The following ARMCX4 variants were observed in gnomAD, a reference collection of about 807,000 sequenced individuals.
The protein encoded by ARMCX4 is armadillo repeat-containing X-linked protein 4.
Under a neutral mutation model 34.7 loss-of-function variants are expected in ARMCX4, and 3 were observed. The observed-to-expected ratio is 0.09, with a 90% CI of 0.04 to 0.22. The LOEUF is 0.22. Ranked by LOEUF, ARMCX4 falls within the 10% of genes least tolerant of loss-of-function variation. The pLI is 1.00. For synonymous variants in ARMCX4, 513 were observed against 632.8 expected (o/e 0.81, Z 2.84); for missense variants, 1,448 against 1,720.8 (o/e 0.84, Z 2.81).
In ARMCX4 at chrX:101,488,560, C is replaced by T. The variant is rs924970227; in HGVS notation, c.-30C>T. 2.6e-6 allele frequency: 3 copies of T among 1,155,829 alleles called. No individual in the cohort carries two copies. In the Admixed American group the frequency reaches 7.8e-5, roughly 30 times the overall value. Reference sequence around the variant, plus strand: ...CCAGCCCGAGTGCGCTCTACCATACCTTGTTCGTGCTTTTAGCAGGGGTGA... The same window carrying T: ...CCAGCCCGAGTGCGCTCTACCATACTTTGTTCGTGCTTTTAGCAGGGGTGA... On this transcript the variant is annotated 5_prime_UTR_variant, in exon 6 of 6. Transcript: ENST00000423738.
At chrX:101,452,633 G>A (rs782445181), downstream of ARMCX4, among the ~76,000 whole-genome samples, 6 of 110,291 alleles carry the variant, frequency 5.4e-5, no homozygotes, top group South Asian at 1.2e-3. Flanking sequence ...TCAGCTCACC[G>A]CAATCTCTGT....
At chrX:101,487,310 G>A (rs942257670) in intron 3 of ARMCX4, 38 bp downstream of exon 3, 8 of 142,260 alleles carry the variant, frequency 5.6e-5, no homozygotes, top group Admixed American at 5.6e-4. Context: ...GGGATGACAA[G>A]AGAGGGTGGG....
At chrX:101,436,857 G>T (rs183363889) in intron 2 of ARMCX4, among the ~76,000 whole-genome samples, 5 of 111,744 alleles carry the variant, frequency 4.5e-5, no homozygotes, top group Admixed American at 2.9e-4. Flanking sequence ...AGCATGAAGG[G>T]TTGTTGAATT....
chrX:101,446,387 T>C (rs1469679342), downstream of ARMCX4, among the ~76,000 whole-genome samples: 1 of 110,988 alleles, frequency 9.0e-6, no homozygotes, highest in Non-Finnish European at 1.9e-5. Context: ...ACATGTGGTA[T>C]GTACTGTGGG....
intron 2 of ARMCX4, among the ~76,000 whole-genome samples, chrX:101,429,180 C>T (rs1929826033): frequency 9.0e-6 from 1 of 110,870 alleles, no homozygotes; most frequent in African/African-American, 3.3e-5. Flanking sequence ...ATTTCTTTAA[C>T]AGCTGGCGTT....
At chrX:101,496,591 CA>C (rs1340988987), downstream of ARMCX4, among the ~76,000 whole-genome samples, 1 of 111,705 alleles carries the variant, frequency 9.0e-6, no homozygotes, top group Admixed American at 9.5e-5. Flanking sequence ...TGTAAGTAAA[CA>C]GTTACAACTT....
At chrX:101,446,787 C>T (rs1461774834), downstream of ARMCX4, among the ~76,000 whole-genome samples, 2 of 110,383 alleles carry the variant, frequency 1.8e-5, no homozygotes, top group Non-Finnish European at 3.8e-5. Context: ...AACCCCATCT[C>T]TACTAAAACT....
chrX:101,489,765 T>C lies in ARMCX4; in HGVS notation c.1176T>C (p.Thr392=), dbSNP rs1556008085. 6 of 1,155,634 alleles carry C rather than the reference T, an allele frequency of 5.2e-6. No individual in the cohort carries two copies. Among genetic ancestry groups the C allele is most frequent in the Non-Finnish European group, 6.9e-6 (6 of 872,857 alleles). Residue 392 remains threonine, a synonymous_variant, in exon 6 of 6, where the codon ACT becomes ACC. Coordinates refer to ENST00000423738, the MANE Select transcript of ARMCX4 (RefSeq NM_001256155.3). ...GNTNVISKAI[T]GADMRAAAQP... ...CCAATGTCATATCTAAGGCAATAAC[T>C]GGAGCTGACATGAGAGCTGCTGCTC...
intron 4 of ARMCX4, among the ~76,000 whole-genome samples, chrX:101,459,039 A>G (rs1389662450): frequency 9.0e-6 from 1 of 111,559 alleles, no homozygotes; most frequent in Non-Finnish European, 1.9e-5. Flanking sequence ...AATACTGGGT[A>G]TAAGTATGCT....
intron 11 of ARMCX4, among the ~76,000 whole-genome samples, chrX:101,518,365 T>C (rs1934784794): frequency 9.0e-6 from 1 of 111,517 alleles, no homozygotes; most frequent in African/African-American, 3.3e-5. Context: ...TGAGATTGAG[T>C]GCAGTTATAG....
chrX:101,454,075 G>A (rs1932133424), intron 4 of ARMCX4, among the ~76,000 whole-genome samples: 1 of 110,815 alleles, frequency 9.0e-6, no homozygotes, highest in Admixed American at 9.6e-5. Flanking sequence ...AGAACATAGT[G>A]ATGGGTGTAA....
chrX:101,446,960 A>T (rs1038506967), downstream of ARMCX4, among the ~76,000 whole-genome samples: 1 of 111,576 alleles, frequency 9.0e-6, no homozygotes, highest in Non-Finnish European at 1.9e-5. Flanking sequence ...TCTCAAAAAA[A>T]AAAAAAAGTC....
intron 5 of ARMCX4, 78 bp from the exon 6 acceptor site, chrX:101,488,366 G>A (rs1246699524): frequency 1.6e-5 from 15 of 929,004 alleles, no homozygotes; most frequent in Non-Finnish European, 2.0e-5. Context: ...ACCATTTTCT[G>A]TTCCTCTGTG....
At chrX:101,515,371 C>CTCTTTCTTTCTTTCTTTCTTTCTT (rs1934694715) in intron 11 of ARMCX4, among the ~76,000 whole-genome samples, 1 of 58,646 alleles carries the variant, frequency 1.7e-5, no homozygotes, top group African/African-American at 6.9e-5. Flanking sequence ...TTCTTTCTTT[C>CTCTTTCTTTCTTTCTTTCTTTCTT]TTTCTTTCTT....
At chrX:101,445,479 C>T in intron 3 of ARMCX4, among the ~76,000 whole-genome samples, 1 of 111,905 alleles carries the variant, frequency 8.9e-6, no homozygotes, top group East Asian at 2.8e-4. Context: ...TCAGATCAAA[C>T]CCATGAAAGA....
rs1372077750 is a variant in ARMCX4, at chrX:101,492,044, G to A, written c.3455G>A (p.Arg1152Gln). 2.3e-5 allele frequency: 26 copies of A among 1,152,073 alleles called. No homozygotes were observed. The highest frequency in any genetic ancestry group is 5.4e-5 in the African/African-American group (3 of 55,638). The allele number at this position is 1,152,073 out of a possible 1,213,427, so 94.9% of individuals were successfully genotyped here. The stretch of plus-strand genomic sequence containing the variant: ...GCTAGTGATAAGGCTGGGATTATTC[G>A]GTCTTGGGCTGTGGCTTGTGATGAG... ...SGASDKAGIIRSWAVACDETS... is the reference protein window; with the variant it reads ...SGASDKAGIIQSWAVACDETS... Residue 1152 changes from arginine to glutamine, a missense_variant, in exon 6 of 6, where the codon CGG becomes CAG. Physicochemically the swap from Arg to Gln is conservative, Grantham distance 43. Transcript: ENST00000423738.
chrX:101,510,788 A>G (rs996056029), intron 10 of ARMCX4, among the ~76,000 whole-genome samples: 1 of 111,502 alleles, frequency 9.0e-6, no homozygotes, highest in African/African-American at 3.3e-5. Flanking sequence ...ATTTTTAGGA[A>G]GAAATAAAGT....
chrX:101,514,940 C>T (rs1442301185), intron 11 of ARMCX4, among the ~76,000 whole-genome samples: 1 of 111,840 alleles, frequency 8.9e-6, no homozygotes, highest in African/African-American at 3.2e-5. Context: ...CATATGTTCT[C>T]ATTTAAACTT....
intron 11 of ARMCX4, among the ~76,000 whole-genome samples, chrX:101,527,798 G>C (rs1364660443): frequency 1.3e-4 from 15 of 111,427 alleles, no homozygotes; most frequent in African/African-American, 4.9e-4. Flanking sequence ...TCAAATCTCT[G>C]AATAGACCAA....
Sources: gnomAD v4.1 joint callset for allele counts (sites outside exome capture counted in the v4.1 genomes callset) on GRCh38, gnomAD v4.1.1 for gene constraint, MANE v1.5 for transcripts, NCBI Gene and HGNC (gene_info 2026-07-23, HGNC 2026-07-21) for gene names.